TMPRSS15: variants seen among roughly 807,000 people sequenced by gnomAD.
The protein encoded by TMPRSS15 is enteropeptidase.
In TMPRSS15, 128 loss-of-function variants were observed where a neutral mutation model predicts 125.3. The ratio of observed to expected loss-of-function variants is 1.02; its 90% CI spans 0.89 to 1.18. The LOEUF (loss-of-function observed/expected upper bound fraction) is 1.18. Among genes scored for constraint, TMPRSS15 ranks in the 50% most tolerant of loss-of-function variants. The pLI, the probability that TMPRSS15 is intolerant of heterozygous loss-of-function variation, is 0.00. For missense variants in TMPRSS15, 1,283 were observed against 1,212.7 expected, an observed-to-expected ratio of 1.06 and a Z score of -0.86; for synonymous variants, 446 against 423.2, an observed-to-expected ratio of 1.05 and a Z score of -0.66.
chr21:18,359,744 T>C lies in TMPRSS15; in HGVS notation c.880+13A>G, dbSNP rs762313118. On this transcript the variant is annotated intron_variant, in intron 8 of 24. Coordinates refer to ENST00000284885, the MANE Select transcript of TMPRSS15 (RefSeq NM_002772.3). Reference sequence around the variant, plus strand: ...TCATTTTCATAAGTAATTGTATATTTGTTTCAACTTACCTCTTAAAATCTT... The same window carrying C: ...TCATTTTCATAAGTAATTGTATATTCGTTTCAACTTACCTCTTAAAATCTT... The C allele has an allele frequency of 8.4e-7, 1 of 1,193,870 alleles. No homozygotes were observed. Among genetic ancestry groups the C allele is most frequent in the Non-Finnish European group, 1.2e-6 (1 of 802,854 alleles). The allele number at this position is 1,193,870 out of a possible 1,614,324, so 74.0% of individuals were successfully genotyped here. A position where few individuals can be genotyped will look rare whatever the true frequency, so the allele number is the denominator to read the frequency against.
intron 21 of TMPRSS15, among the ~76,000 whole-genome samples, chr21:18,282,636 C>A (rs2074714860): frequency 6.6e-6 from 1 of 152,220 alleles, no homozygotes; most frequent in African/African-American, 2.4e-5. Context: ...TGCATTAGAA[C>A]TTGAAGAAAT....
chr21:18,302,164 T>C (rs1374599043), intron 18 of TMPRSS15, among the ~76,000 whole-genome samples: 1 of 152,188 alleles, frequency 6.6e-6, no homozygotes, highest in African/African-American at 2.4e-5. Context: ...CTGCAAATAC[T>C]GCAACTAGGC....
chr21:18,411,738 T>A (rs1468526049), intron 1 of TMPRSS15, among the ~76,000 whole-genome samples: 1 of 152,200 alleles, frequency 6.6e-6, no homozygotes, highest in African/African-American at 2.4e-5. Flanking sequence ...TTTTTTACCT[T>A]GCCATATGAA....
chr21:18,484,121 C>G (rs1265689555), intron 1 of TMPRSS15, among the ~76,000 whole-genome samples: 2 of 151,618 alleles, frequency 1.3e-5, no homozygotes, highest in Non-Finnish European at 3.0e-5. Context: ...GTAATCATAC[C>G]ACAATCTATT....
chr21:18,381,213 C>T (rs527545379), intron 4 of TMPRSS15, among the ~76,000 whole-genome samples: 41 of 152,134 alleles, frequency 2.7e-4, no homozygotes, highest in Admixed American at 2.5e-3. Flanking sequence ...GAAGTATATT[C>T]GTTTCTACTA....
In TMPRSS15 at chr21:18,464,734, C is replaced by T. The variant is rs1485937387; in HGVS notation, c.10+21065G>A. ...GGAAGAAGTCAAATCCCTGAATAGA[C>T]CAATAACAATTTCTGAAATTGAGGC... On this transcript the variant is annotated intron_variant, in intron 1 of 7. Transcript: ENST00000422787. 5.3e-5 allele frequency among the ~76,000 whole-genome samples: 8 copies of T among 152,074 alleles called. No individual in the cohort carries two copies. In the East Asian group the frequency reaches 1.3e-3, roughly 26 times the overall value.
At chr21:18,343,696 C>T (rs1368076687) in intron 11 of TMPRSS15, 40 bp from the exon 12 acceptor site, 2 of 1,585,538 alleles carry the variant, frequency 1.3e-6, no homozygotes, top group Middle Eastern at 1.9e-4. Flanking sequence ...ATTCCTACAA[C>T]ATTAGAATAA....
chr21:18,318,404 T>C (rs554557146), intron 16 of TMPRSS15, among the ~76,000 whole-genome samples: 6 of 152,022 alleles, frequency 3.9e-5, no homozygotes, highest in Non-Finnish European at 8.8e-5. Flanking sequence ...AAAACTACAA[T>C]GGTAAAAATA....
At chr21:18,294,704 A>G in intron 19 of TMPRSS15, 52 bp from the exon 20 acceptor site, 1 of 1,483,108 alleles carries the variant, frequency 6.7e-7, no homozygotes, top group Admixed American at 1.7e-5. Flanking sequence ...AATATTTTCA[A>G]GTCAAACATC....
chr21:18,329,351 G>C, intron 14 of TMPRSS15, 57 bp from the exon 15 acceptor site: 1 of 1,548,858 alleles, frequency 6.5e-7, no homozygotes, highest in Non-Finnish European at 8.8e-7. Flanking sequence ...TCTCTTAAAA[G>C]CTTCACTCTC....
chr21:18,357,446 A>G (rs1387628042), intron 8 of TMPRSS15, among the ~76,000 whole-genome samples: 4 of 151,872 alleles, frequency 2.6e-5, no homozygotes, highest in African/African-American at 7.2e-5. Flanking sequence ...CCCCCTAATC[A>G]GGTATATAAC....
At chr21:18,350,660 ATCTTAGCCCCACCCTCCCCATCC>A (rs745723589) in intron 10 of TMPRSS15, among the ~76,000 whole-genome samples, 4 of 152,046 alleles carry the variant, frequency 2.6e-5, no homozygotes, top group Admixed American at 1.3e-4. Flanking sequence ...TTGTAACAGC[ATCTTAGCCCCACCCTCCCCATCC>A]TCTTACAAAG....
At chr21:18,300,957 A>T (rs1170405164) in intron 18 of TMPRSS15, among the ~76,000 whole-genome samples, 1 of 152,178 alleles carries the variant, frequency 6.6e-6, no homozygotes, top group Non-Finnish European at 1.5e-5. Context: ...GGAGATACAT[A>T]TACACATGGA....
intron 1 of TMPRSS15, among the ~76,000 whole-genome samples, chr21:18,470,335 G>A (rs1043273219): frequency 6.6e-5 from 10 of 151,684 alleles, no homozygotes; most frequent in Non-Finnish European, 1.3e-4. Context: ...AAAAAAGTAT[G>A]CTTTTTAGGA....
intron 23 of TMPRSS15, among the ~76,000 whole-genome samples, chr21:18,278,582 A>G (rs1334022343): frequency 8.0e-6 from 1 of 125,010 alleles, no homozygotes; most frequent in Non-Finnish European, 1.6e-5. Context: ...TTAGCCAGGC[A>G]TGGTGGCAGG....
chr21:18,482,062 G>A (rs545012383), intron 1 of TMPRSS15, among the ~76,000 whole-genome samples: 51 of 150,936 alleles, frequency 3.4e-4, no homozygotes, highest in African/African-American at 1.2e-3. Context: ...TTTTATCTAC[G>A]ATATATTATT....
At chr21:18,432,195 G>T (rs944516693) in intron 1 of TMPRSS15, among the ~76,000 whole-genome samples, 7 of 152,062 alleles carry the variant, frequency 4.6e-5, no homozygotes, top group Admixed American at 1.3e-4. Flanking sequence ...CCTACTTGGA[G>T]GCCTCTTATT....
intron 18 of TMPRSS15, among the ~76,000 whole-genome samples, chr21:18,303,340 T>C (rs9983921): frequency 0.79 from 119,547 of 151,900 alleles, 47,148 homozygotes; most frequent in African/African-American, 0.83. Context: ...AATAGAAGCA[T>C]ATGAGGAAAG....
At chr21:18,393,941 G>A (rs1203036582) in intron 3 of TMPRSS15, among the ~76,000 whole-genome samples, 5 of 152,138 alleles carry the variant, frequency 3.3e-5, no homozygotes, top group Non-Finnish European at 5.9e-5. Context: ...CTTAATATCT[G>A]TATTCTCAGA....
Sources: allele counts gnomAD v4.1 joint callset (sites outside exome capture counted in the v4.1 genomes callset), GRCh38; gene constraint gnomAD v4.1.1; transcripts MANE v1.5; gene names NCBI Gene and HGNC (gene_info 2026-07-23, HGNC 2026-07-21).